The following SESN3 variants were observed in gnomAD, a reference collection of about 807,000 sequenced individuals.
The protein encoded by SESN3 is sestrin-3.
In SESN3, 21 loss-of-function variants were observed where a neutral mutation model predicts 55.3. The observed-to-expected ratio is 0.38, with a 90% CI of 0.27 to 0.55. The LOEUF is 0.55. Among genes scored for constraint, SESN3 ranks in the 20% least tolerant of loss-of-function variants. SESN3 has a pLI of 0.76. For synonymous variants in SESN3, 181 were observed against 203.1 expected, an observed-to-expected ratio of 0.89 and a Z score of 0.93; for missense variants, 408 against 604.3, an observed-to-expected ratio of 0.68 and a Z score of 3.41.
intron 1 of SESN3, among the ~76,000 whole-genome samples, chr11:95,222,869 T>A (rs1236043789): frequency 1.3e-5 from 2 of 152,202 alleles, no homozygotes; most frequent in African/African-American, 4.8e-5. Flanking sequence ...TATTTTAAAT[T>A]GTTTAAATCA....
At chr11:95,194,021 A>G (rs138746454) in intron 1 of SESN3, among the ~76,000 whole-genome samples, 1 of 152,224 alleles carries the variant, frequency 6.6e-6, no homozygotes, top group Non-Finnish European at 1.5e-5. Flanking sequence ...AAAATTAGAG[A>G]AGGAGAGGTT....
At chr11:95,197,642 T>C (rs566461036) in intron 1 of SESN3, among the ~76,000 whole-genome samples, 1 of 152,250 alleles carries the variant, frequency 6.6e-6, no homozygotes, top group African/African-American at 2.4e-5. Flanking sequence ...TTATGTTTCC[T>C]AGATGTTCCT....
chr11:95,168,616 C>T lies in SESN3; in HGVS notation c.*4639G>A, dbSNP rs1421551953. 6.6e-6 allele frequency: 1 copy of T among 152,084 alleles called. No individual in the cohort carries two copies. The highest frequency in any genetic ancestry group is 6.6e-5 in the Admixed American group (1 of 15,258). 9.4% of individuals were successfully genotyped at this position (152,084 alleles called of 1,614,324 possible). ...AAAAGGGTAGAACAGAATAGGGTGA[C>T]ACAATTTACACTTGATACTGCATTA... is the stretch of plus-strand genomic sequence containing the variant. On this transcript the variant is annotated 3_prime_UTR_variant, in exon 10 of 10. Transcript: ENST00000536441.
At chr11:95,197,000 G>GA (rs1258940496) in intron 1 of SESN3, among the ~76,000 whole-genome samples, 1 of 151,960 alleles carries the variant, frequency 6.6e-6, no homozygotes, top group South Asian at 2.1e-4. Flanking sequence ...AAATTAGGAA[G>GA]AAAAAAAACT....
chr11:95,178,587 G>T, intron 7 of SESN3, 123 bp downstream of exon 7: 1 of 649,870 alleles, frequency 1.5e-6, no homozygotes. Flanking sequence ...GCTGAAACTA[G>T]GTTAAATACA....
chr11:95,207,248 C>T (rs142754193), intron 1 of SESN3, among the ~76,000 whole-genome samples: 8 of 148,950 alleles, frequency 5.4e-5, no homozygotes, highest in African/African-American at 1.5e-4. Flanking sequence ...CTTTTAAGAA[C>T]AGAAAGTACA....
At position 95,191,618 on chromosome 11, in the gene SESN3, A is replaced by C. The variant is rs757134568; in HGVS notation, c.145-17T>G. On this transcript the variant is annotated splice_polypyrimidine_tract_variant and intron_variant, in intron 2 of 9. Transcript: ENST00000536441. Reference sequence around the variant, plus strand: ...TTGGACAACCTTATAACCAAAAAAAACAAAACAAAATGACTATTGAGACAT... The same window carrying C: ...TTGGACAACCTTATAACCAAAAAAACCAAAACAAAATGACTATTGAGACAT... 1 of 1,604,788 alleles carries C rather than the reference A, an allele frequency of 6.2e-7. No individual in the cohort carries two copies. Among genetic ancestry groups the C allele is most frequent in the East Asian group, 2.2e-5 (1 of 44,746 alleles).
At chr11:95,177,999 C>T (rs1434081130) in intron 7 of SESN3, 90 bp from the exon 8 acceptor site, 25 of 894,974 alleles carry the variant, frequency 2.8e-5, no homozygotes, top group Non-Finnish European at 4.2e-5. Context: ...AGCAAGTAAG[C>T]GAGGCTATTT....
At position 95,230,820 on chromosome 11, in the gene SESN3, T is replaced by C. The variant is rs774924032; in HGVS notation, c.41A>G (p.Tyr14Cys). The change falls in exon 1 of 10, where the codon TAC becomes TGC. Residue 14 changes from tyrosine (Y) to cysteine (C), a missense_variant. By Grantham distance (194) the Tyr-to-Cys change is radical. Transcript: ENST00000536441. This position sits in a 1 kb window ranked among gnomAD's most constrained non-coding sequence, Gnocchi z 4.6. ...GGGSPSAAAN[Y>C]LLCTNCRKVL... The stretch of plus-strand genomic sequence containing the variant: ...TTTCCGGCAGTTGGTACAGAGCAGG[T>C]AGTTGGCGGCGGCCGACGGGCTGCC... The C allele has an allele frequency of 1.2e-5, 19 of 1,592,948 alleles. No homozygotes were observed. The highest frequency in any genetic ancestry group is 1.4e-5 in the Non-Finnish European group (17 of 1,172,726).
chr11:95,215,740 A>G (rs1193323964), intron 1 of SESN3, among the ~76,000 whole-genome samples: 1 of 152,222 alleles, frequency 6.6e-6, no homozygotes, highest in Non-Finnish European at 1.5e-5. Flanking sequence ...CACATGCTCT[A>G]GAAAAGGTAT....
chr11:95,208,845 G>A (rs984161872), intron 1 of SESN3, among the ~76,000 whole-genome samples: 9 of 151,630 alleles, frequency 5.9e-5, no homozygotes, highest in South Asian at 2.1e-4. Flanking sequence ...AATAAATGGC[G>A]TTGGGAAAAC....
At chr11:95,206,261 A>C (rs1454142453) in intron 1 of SESN3, among the ~76,000 whole-genome samples, 1 of 151,988 alleles carries the variant, frequency 6.6e-6, no homozygotes, top group Non-Finnish European at 1.5e-5. Flanking sequence ...CTATTTCTAT[A>C]TATTACTCAG....
At position 95,230,607 on chromosome 11, in the gene SESN3, C is replaced by T. The variant is rs1224596608; in HGVS notation, c.78+176G>A. 3.6e-6 allele frequency: 2 copies of T among 553,526 alleles called. No individual in the cohort carries two copies. Among genetic ancestry groups the T allele is most frequent in the South Asian group, 4.3e-5 (2 of 46,136 alleles). 34.3% of individuals were successfully genotyped at this position (553,526 alleles called of 1,614,324 possible). ...GTCTGTCCCGGCGGAAATAAAAAGC[C>T]GCAGTAGTCCAAACCCTCCTGCCCT... On this transcript the variant is annotated intron_variant, in intron 1 of 9. Transcript: ENST00000536441. This position sits in a 1 kb window ranked among gnomAD's most constrained non-coding sequence, Gnocchi z 4.6.
At chr11:95,207,015 G>A (rs1232246772) in intron 1 of SESN3, among the ~76,000 whole-genome samples, 9 of 151,902 alleles carry the variant, frequency 5.9e-5, no homozygotes, top group African/African-American at 1.9e-4. Flanking sequence ...TCCTGACCTC[G>A]TGATCCACCC....
intron 1 of SESN3, among the ~76,000 whole-genome samples, chr11:95,226,090 C>T (rs764410308): frequency 4.0e-5 from 6 of 149,618 alleles, no homozygotes; most frequent in Non-Finnish European, 8.9e-5. Flanking sequence ...CTCTCATTTA[C>T]AGGCAATAAT....
At chr11:95,203,047 G>C (rs1360788731) in intron 1 of SESN3, among the ~76,000 whole-genome samples, 1 of 152,002 alleles carries the variant, frequency 6.6e-6, no homozygotes, top group African/African-American at 2.4e-5. Flanking sequence ...AGTACTTTTG[G>C]AGAAACAAAA....
Position 95,202,941 on chromosome 11 carries a change from A to G in SESN3, c.79-9419T>C, listed in dbSNP as rs184774066. On this transcript the variant is annotated intron_variant, in intron 1 of 9. Transcript: ENST00000536441. ...TTAAAATAATGTCTCAATTAGATGA[A>G]AAGAAACTAAAATTGGAAGTTTTAG... is the stretch of plus-strand genomic sequence containing the variant. Among the ~76,000 whole-genome samples the G allele has an allele frequency of 6.3e-3, 957 of 152,248 alleles. 4 individuals carry two copies. Among genetic ancestry groups the G allele is most frequent in the Admixed American group, 7.5e-3 (115 of 15,274 alleles).
At position 95,167,485 on chromosome 11, in the gene SESN3, A is replaced by T. The variant is rs763561108; in HGVS notation, c.*5770T>A. 5.3e-5 allele frequency: 8 copies of T among 150,492 alleles called. No individual in the cohort carries two copies. The highest frequency in any genetic ancestry group is 7.4e-5 in the Non-Finnish European group (5 of 67,996). 9.3% of individuals were successfully genotyped at this position (150,492 alleles called of 1,614,324 possible). A position where few individuals can be genotyped will look rare whatever the true frequency, so the allele number is the denominator to read the frequency against. On this transcript the variant is annotated 3_prime_UTR_variant, in exon 10 of 10. Coordinates refer to ENST00000536441, the MANE Select transcript of SESN3 (RefSeq NM_144665.4). ...ATTCTGTTTCCCCCCCATATATATA[A>T]TTTTTCATTCTGTACTTCATGGTGG...
At chr11:95,175,404 AT>A in intron 9 of SESN3, 93 bp downstream of exon 9, 2 of 1,124,244 alleles carry the variant, frequency 1.8e-6, no homozygotes, top group East Asian at 5.0e-5. Flanking sequence ...AATGGCTATA[AT>A]TTATTAATAC....
Sources: gnomAD v4.1 joint callset for allele counts (sites outside exome capture counted in the v4.1 genomes callset) on GRCh38, gnomAD v4.1.1 for gene constraint, Gnocchi (gnomAD v3.1) non-coding constraint, MANE v1.5 for transcripts, NCBI Gene and HGNC (gene_info 2026-07-23, HGNC 2026-07-21) for gene names.